The following KNTC1 variants were observed in gnomAD, a reference collection of about 807,000 sequenced individuals.
KNTC1 encodes kinetochore-associated protein 1.
In KNTC1, 253 loss-of-function variants were observed where a neutral mutation model predicts 314.4. The ratio of observed to expected loss-of-function variants is 0.80; its 90% CI spans 0.73 to 0.89. The LOEUF (loss-of-function observed/expected upper bound fraction) is 0.89, where lower values mean the gene tolerates loss of function less well. KNTC1 is among the 40% of genes least tolerant of loss of function. KNTC1 has a pLI of 0.00. For synonymous variants in KNTC1, 901 were observed against 901.4 expected, an observed-to-expected ratio of 1.00 and a Z score of 0.01; for missense variants, 2,475 against 2,572.9, an observed-to-expected ratio of 0.96 and a Z score of 0.82.
At chr12:122,616,780 T>G (rs1247223941) in intron 57 of KNTC1, among the ~76,000 whole-genome samples, 1 of 152,170 alleles carries the variant, frequency 6.6e-6, no homozygotes, top group African/African-American at 2.4e-5. Flanking sequence ...AAATACACAA[T>G]GAAGTAGTTT....
chr12:122,567,233 C>CTATTTTTTG (rs1964408138), intron 20 of KNTC1, among the ~76,000 whole-genome samples: 1 of 151,700 alleles, frequency 6.6e-6, no homozygotes, highest in Non-Finnish European at 1.5e-5. Context: ...ACCACACCGG[C>CTATTTTTTG]TATTTTTTGT....
At chr12:122,612,476 G>A (rs2173628) in intron 53 of KNTC1, among the ~76,000 whole-genome samples, 116,694 of 148,880 alleles carry the variant, frequency 0.78, 46,201 homozygotes, top group African/African-American at 0.88. Context: ...GAGTAGTGCA[G>A]TGGCGCGATC....
At chr12:122,543,233 C>G (rs548308265) in intron 6 of KNTC1, among the ~76,000 whole-genome samples, 1 of 152,194 alleles carries the variant, frequency 6.6e-6, no homozygotes, top group Non-Finnish European at 1.5e-5. Context: ...TTTTAAAATA[C>G]TGACTTGCCA....
intron 51 of KNTC1, 36 bp from the exon 52 acceptor site, chr12:122,609,348 T>C (rs1159740620): frequency 5.9e-6 from 8 of 1,351,980 alleles, no homozygotes; most frequent in Non-Finnish European, 8.3e-6. Flanking sequence ...CATAAACTTT[T>C]TCAGTTTTTG....
chr12:122,540,901 T>C (rs1962252375), intron 5 of KNTC1, among the ~76,000 whole-genome samples: 1 of 152,228 alleles, frequency 6.6e-6, no homozygotes, highest in African/African-American at 2.4e-5. Flanking sequence ...CTGTGTGTGG[T>C]GGCTCACATC....
At chr12:122,608,502 C>T (rs973211927) in intron 51 of KNTC1, among the ~76,000 whole-genome samples, 2 of 152,092 alleles carry the variant, frequency 1.3e-5, no homozygotes, top group African/African-American at 4.8e-5. Context: ...AAAGTATTTA[C>T]CAAGAGCATG....
intron 5 of KNTC1, among the ~76,000 whole-genome samples, chr12:122,540,141 A>G (rs933410383): frequency 6.6e-5 from 10 of 151,368 alleles, no homozygotes; most frequent in African/African-American, 2.4e-4. Flanking sequence ...AATAAATTAT[A>G]TAAAATCATT....
At chr12:122,530,476 A>G (rs1466653828) in intron 2 of KNTC1, among the ~76,000 whole-genome samples, 2 of 148,302 alleles carry the variant, frequency 1.3e-5, no homozygotes, top group African/African-American at 5.0e-5. Context: ...TTTGAGACAG[A>G]TTCTTACTCT....
intron 27 of KNTC1, 58 bp downstream of exon 27, chr12:122,574,438 C>A: frequency 9.5e-7 from 1 of 1,052,746 alleles, no homozygotes; most frequent in Non-Finnish European, 1.4e-6. Flanking sequence ...TTTCTGAAAG[C>A]TTTTTTCTGT....
intron 13 of KNTC1, 58 bp from the exon 14 acceptor site, chr12:122,551,261 A>G: frequency 8.9e-7 from 1 of 1,129,762 alleles, no homozygotes. Context: ...TACTCTAGTA[A>G]TTATAAAATG....
intron 36 of KNTC1, 122 bp downstream of exon 36, chr12:122,585,112 A>G: frequency 1.6e-6 from 1 of 633,646 alleles, no homozygotes; most frequent in Non-Finnish European, 2.8e-6. Flanking sequence ...ATCAAGGCTT[A>G]CTGCAGTCTT....
In KNTC1 at chr12:122,584,956, A is replaced by C; in HGVS notation, c.3500A>C (p.Gln1167Pro). The C allele has an allele frequency of 6.2e-7, 1 of 1,605,398 alleles. No homozygotes were observed. Among genetic ancestry groups the C allele is most frequent in the Non-Finnish European group, 8.5e-7 (1 of 1,172,124 alleles). The change falls in exon 36 of 64, where the codon CAA becomes CCA. Residue 1167 changes from glutamine to proline, a missense_variant. Coordinates refer to ENST00000333479, the MANE Select transcript of KNTC1 (RefSeq NM_014708.6). ...HTLMAVELSR[Q>P]CQMDDCGILM... ...TTAATGGCTGTAGAGCTTTCCAGACAATGCCAAATGGATGACTGTGGAATC... is the reference window on the plus strand; with the variant it reads ...TTAATGGCTGTAGAGCTTTCCAGACCATGCCAAATGGATGACTGTGGAATC...
chr12:122,568,985 G>GT (rs1964517335), intron 21 of KNTC1, among the ~76,000 whole-genome samples: 1 of 152,106 alleles, frequency 6.6e-6, no homozygotes, highest in Admixed American at 6.6e-5. Context: ...ATGAGAACAC[G>GT]TGGATGCATG....
At chr12:122,617,872 T>C (rs1483582441) in intron 57 of KNTC1, among the ~76,000 whole-genome samples, 1 of 152,254 alleles carries the variant, frequency 6.6e-6, no homozygotes, top group Non-Finnish European at 1.5e-5. Flanking sequence ...AATTTTTTTG[T>C]TGAGATACAA....
intron 51 of KNTC1, among the ~76,000 whole-genome samples, chr12:122,608,882 A>AC (rs1872803443): frequency 6.6e-6 from 1 of 151,678 alleles, no homozygotes; most frequent in South Asian, 2.1e-4. Context: ...GCATAGTGAG[A>AC]CCCCCATCTC....
chr12:122,613,816 A>G (rs1873449798), intron 55 of KNTC1, 55 bp downstream of exon 55: 15 of 1,501,302 alleles, frequency 1.0e-5, no homozygotes, highest in Non-Finnish European at 1.2e-5. Context: ...CAGAATCCTG[A>G]AAGAGAAAAC....
In KNTC1 at chr12:122,584,983, T is replaced by C; in HGVS notation, c.3527T>C (p.Leu1176Pro). ...RQCQMDDCGI[L>P]MKASFGTHKD... Reference sequence around the variant, plus strand: ...TGCCAAATGGATGACTGTGGAATCCTCATGAAAGTAAGTTACTTTTGAGTT... The same window carrying C: ...TGCCAAATGGATGACTGTGGAATCCCCATGAAAGTAAGTTACTTTTGAGTT... The change falls in exon 36 of 64, where the codon CTC becomes CCC. Residue 1176 changes from leucine to proline, a missense_variant. By Grantham distance (98) the Leu-to-Pro change is moderately conservative (BLOSUM62 -3). Transcript: ENST00000333479. 6.3e-7 allele frequency: 1 copy of C among 1,579,392 alleles called. No homozygotes were observed. The highest frequency in any genetic ancestry group is 8.7e-7 in the Non-Finnish European group (1 of 1,149,224).
intron 21 of KNTC1, 67 bp from the exon 22 acceptor site, chr12:122,569,614 T>C (rs1421962721): frequency 1.4e-6 from 2 of 1,394,940 alleles, no homozygotes; most frequent in Non-Finnish European, 2.0e-6. Context: ...AAAATATCTT[T>C]GTCAAACATT....
Position 122,575,645 on chromosome 12 carries a change from A to G in KNTC1, c.2485A>G (p.Lys829Glu). 1 of 1,581,462 alleles carries G rather than the reference A, an allele frequency of 6.3e-7. No individual in the cohort carries two copies. Among genetic ancestry groups the G allele is most frequent in the Non-Finnish European group, 8.6e-7 (1 of 1,160,618 alleles). The change falls in exon 28 of 64, where the codon AAA becomes GAA. Residue 829 changes from lysine to glutamate, a missense_variant and splice_region_variant. Transcript: ENST00000333479. Reference protein sequence around the residue: ...VKQHLEMDHPKVKLLQESYKL... With the variant: ...VKQHLEMDHPEVKLLQESYKL... ...ACAGCACCTGGAAATGGACCATCCC[A>G]AGTAAGATGACTGTCTACGAAACAA...
Sources: allele counts gnomAD v4.1 joint callset (sites outside exome capture counted in the v4.1 genomes callset), GRCh38; gene constraint gnomAD v4.1.1; transcripts MANE v1.5; gene names NCBI Gene and HGNC (gene_info 2026-07-23, HGNC 2026-07-21).